Variants in SETD1A observed in about 807,000 individuals in gnomAD.
The protein encoded by SETD1A is histone-lysine N-methyltransferase SETD1A.
SETD1A carries 29 observed loss-of-function variants against 149.9 expected under a neutral mutation model. The ratio of observed to expected loss-of-function variants is 0.19; its 90% CI spans 0.14 to 0.26. The LOEUF (loss-of-function observed/expected upper bound fraction) is 0.26, where lower values mean the gene tolerates loss of function less well. SETD1A is among the 10% of genes least tolerant of loss of function. SETD1A has a pLI of 1.00. For missense variants in SETD1A, 2,109 were observed against 2,353.1 expected, an observed-to-expected ratio of 0.90 and a Z score of 2.15; for synonymous variants, 1,141 against 968.5, an observed-to-expected ratio of 1.18 and a Z score of -3.31.
intron 6 of SETD1A, 98 bp from the exon 7 acceptor site, chr16:30,964,514 G>A (rs1190531326): frequency 4.6e-6 from 7 of 1,530,920 alleles, no homozygotes; most frequent in Non-Finnish European, 5.3e-6. Flanking sequence ...CTCTTCTTTT[G>A]GAGGGCAGCA....
intron 5 of SETD1A, 105 bp downstream of exon 5, chr16:30,963,659 A>G: frequency 8.1e-7 from 1 of 1,238,720 alleles, no homozygotes; most frequent in Non-Finnish European, 1.1e-6. Flanking sequence ...CCGTTAAACA[A>G]AGAAGAGCCA....
Position 30,964,929 on chromosome 16 carries a change from C to T in SETD1A, c.1187C>T (p.Pro396Leu), listed in dbSNP as rs1284129443. The change falls in exon 7 of 19, where the codon CCT (proline) becomes CTT (leucine). Residue 396 changes from proline to leucine, a missense_variant. Physicochemically the swap from Pro to Leu is moderately conservative, Grantham distance 98. Coordinates refer to ENST00000262519, the MANE Select transcript of SETD1A (RefSeq NM_014712.3). Reference sequence around the variant, plus strand: ...ACACGGGAGGAACCCCCTGGAGCCCCTTTTGCTGAAAATACAGCTGAGCGC... The same window carrying T: ...ACACGGGAGGAACCCCCTGGAGCCCTTTTTGCTGAAAATACAGCTGAGCGC... Reference protein sequence around the residue: ...RATREEPPGAPFAENTAERFP... With the variant: ...RATREEPPGALFAENTAERFP... 6.2e-7 allele frequency: 1 copy of T among 1,614,098 alleles called. No individual in the cohort carries two copies.
Position 30,979,995 on chromosome 16 carries a change from T to TCCGCCCCCACCCCCGCCGCCA in SETD1A, c.4217_4237dup (p.Pro1406_Pro1412dup). 2.1e-6 allele frequency: 1 copy of TCCGCCCCCACCCCCGCCGCCA among 477,112 alleles called. No homozygotes were observed. Among genetic ancestry groups the TCCGCCCCCACCCCCGCCGCCA allele is most frequent in the Middle Eastern group, 6.8e-4 (1 of 1,468 alleles). The allele number at this position is 477,112 out of a possible 1,614,324, so 29.6% of individuals were successfully genotyped here. ...GCTCCCACGCCCGGCGCCGCCGCCCTCCGCCCCCACCCCCGCCGCCACCGC... is the reference window on the plus strand; with the variant it reads ...GCTCCCACGCCCGGCGCCGCCGCCCTCCGCCCCCACCCCCGCCGCCACCGCCCCCACCCCCGCCGCCACCGC... On this transcript the variant is annotated inframe_insertion, in exon 14 of 19. Coordinates refer to ENST00000262519, the MANE Select transcript of SETD1A (RefSeq NM_014712.3).
intron 13 of SETD1A, among the ~76,000 whole-genome samples, chr16:30,976,921 A>G (rs1453274639): frequency 6.6e-6 from 1 of 151,820 alleles, no homozygotes; most frequent in Non-Finnish European, 1.5e-5. Flanking sequence ...GCTCAGAGCA[A>G]GGGGTGCTTA....
In SETD1A at chr16:30,980,457, A is replaced by C; in HGVS notation, c.4409-28A>C. On this transcript the variant is annotated intron_variant, in intron 14 of 18. Coordinates refer to ENST00000262519, the MANE Select transcript of SETD1A (RefSeq NM_014712.3). This position sits in a 1 kb window ranked among gnomAD's most constrained non-coding sequence, Gnocchi z 7.7. Reference sequence around the variant, plus strand: ...GCTGGGACGCAGGTGGCCAGAGAGGAGCCGTTCTCTTCCTTAACACCCTGC... The same window carrying C: ...GCTGGGACGCAGGTGGCCAGAGAGGCGCCGTTCTCTTCCTTAACACCCTGC... The C allele has an allele frequency of 6.3e-7, 1 of 1,595,250 alleles. No homozygotes were observed. The highest frequency in any genetic ancestry group is 2.2e-5 in the East Asian group (1 of 44,644).
chr16:30,971,752 G>C (rs774769624), intron 13 of SETD1A, 33 bp downstream of exon 13: 2 of 1,520,632 alleles, frequency 1.3e-6, no homozygotes, highest in East Asian at 4.6e-5. Flanking sequence ...TTAGATCGCT[G>C]TGTGTGTGAG....
Position 30,964,352 on chromosome 16 carries a change from G to A in SETD1A, c.869+29G>A, listed in dbSNP as rs1366590988. 22 of 1,562,116 alleles carry A rather than the reference G, an allele frequency of 1.4e-5. 1 individual carries two copies. The East Asian group carries it at 2.5e-4, about 18-fold the overall frequency. On this transcript the variant is annotated intron_variant, in intron 6 of 18. Coordinates refer to ENST00000262519, the MANE Select transcript of SETD1A (RefSeq NM_014712.3). Reference sequence around the variant, plus strand: ...CAGAGCAGACCCCGCCTGGGGCCCCGCCCGCAAAGTCTGGGAGCTGCCACT... The same window carrying A: ...CAGAGCAGACCCCGCCTGGGGCCCCACCCGCAAAGTCTGGGAGCTGCCACT...
chr16:30,983,663 A>T lies in SETD1A; in HGVS notation c.4841A>T (p.Tyr1614Phe). The T allele has an allele frequency of 6.2e-7, 1 of 1,613,736 alleles. No homozygotes were observed. The highest frequency in any genetic ancestry group is 8.5e-7 in the Non-Finnish European group (1 of 1,179,952). ...QMVADMREKR[Y>F]VQEGIGSSYL... ...GTGGCCGACATGCGGGAGAAGCGCTACGTGCAGGAGGGCATTGGCAGCAGC... is the reference window on the plus strand; with the variant it reads ...GTGGCCGACATGCGGGAGAAGCGCTTCGTGCAGGAGGGCATTGGCAGCAGC... Residue 1614 changes from tyrosine (Y) to phenylalanine (F), a missense_variant, in exon 18 of 19, where the codon TAC becomes TTC. Coordinates refer to ENST00000262519, the MANE Select transcript of SETD1A (RefSeq NM_014712.3). This position sits in a 1 kb window ranked among gnomAD's most constrained non-coding sequence, Gnocchi z 6.8.
intron 1 of SETD1A, chr16:30,958,297 G>A (rs1348700460): frequency 6.2e-6 from 1 of 160,868 alleles, no homozygotes; most frequent in Non-Finnish European, 1.4e-5. Flanking sequence ...CCCCGAAGAG[G>A]TGCCACCTTT....
In SETD1A at chr16:30,961,649, C is replaced by T; in HGVS notation, c.517+112C>T. 2.1e-6 allele frequency: 2 copies of T among 939,726 alleles called. No individual in the cohort carries two copies. The highest frequency in any genetic ancestry group is 1.5e-5 in the South Asian group (1 of 66,134). 58.2% of individuals were successfully genotyped at this position (939,726 alleles called of 1,614,324 possible). On this transcript the variant is annotated intron_variant, in intron 4 of 18. Coordinates refer to ENST00000262519, the MANE Select transcript of SETD1A (RefSeq NM_014712.3). This position sits in a 1 kb window ranked among gnomAD's most constrained non-coding sequence, Gnocchi z 4.0. ...GGGTCATGATCTGAAACTGCTGGGG[C>T]CAGTTGTGTTTCTGAAATCAGATCA...
intron 6 of SETD1A, 104 bp from the exon 7 acceptor site, chr16:30,964,508 T>C: frequency 5.9e-6 from 9 of 1,527,616 alleles, no homozygotes; most frequent in Non-Finnish European, 7.0e-6. Context: ...ATATAGCTCT[T>C]CTTTTGGAGG....
At chr16:30,981,004 G>T (rs535218056) in intron 16 of SETD1A, 57 bp from the exon 17 acceptor site, 1 of 1,607,370 alleles carries the variant, frequency 6.2e-7, no homozygotes, top group Non-Finnish European at 8.5e-7. Flanking sequence ...TGTGGGAAGA[G>T]TGAGGGTCTG....
Position 30,965,818 on chromosome 16 carries a change from A to ACCCCCCCCCCCCCCCCCCCCCC in SETD1A, c.1943_1944insCCCCCCCCCCCCCCCCCCCCCC (p.His655ProfsTer11). The ACCCCCCCCCCCCCCCCCCCCCC allele has an allele frequency of 8.7e-7, 1 of 1,151,366 alleles. No individual in the cohort carries two copies. Among genetic ancestry groups the ACCCCCCCCCCCCCCCCCCCCCC allele is most frequent in the Non-Finnish European group, 1.2e-6 (1 of 823,018 alleles). The allele number at this position is 1,151,366 out of a possible 1,614,324, so 71.3% of individuals were successfully genotyped here. On this transcript the variant is annotated frameshift_variant, in exon 8 of 19. Coordinates refer to ENST00000262519, the MANE Select transcript of SETD1A (RefSeq NM_014712.3). LOFTEE classifies it high-confidence loss of function. ...CCTGATGGGCCGCCGCCCCCTGAGT[A>ACCCCCCCCCCCCCCCCCCCCCC]CCCCCCACCTCCTCCACCACCCCCG...
intron 1 of SETD1A, chr16:30,958,459 G>T (rs1314688965): frequency 4.5e-6 from 2 of 446,802 alleles, no homozygotes; most frequent in Non-Finnish European, 4.1e-6. Context: ...TGGGGCGCGC[G>T]CTAGGGAGAG....
At chr16:30,979,117 CT>C in intron 13 of SETD1A, 27 bp from the exon 14 acceptor site, 1 of 1,515,666 alleles carries the variant, frequency 6.6e-7, no homozygotes, top group Non-Finnish European at 8.8e-7. Context: ...CCCTGACCTC[CT>C]TTCCTTCCTA....
In SETD1A at chr16:30,963,475, C is replaced by T. The variant is rs1021517547; in HGVS notation, c.560C>T (p.Ser187Phe). ...MKYYELIVNG[S>F]YTPQTVPTGG... The stretch of plus-strand genomic sequence containing the variant: ...TACTATGAACTAATTGTCAATGGCT[C>T]CTACACCCCTCAGACTGTGCCCACT... The change falls in exon 5 of 19, where the codon TCC becomes TTC. Residue 187 changes from serine (S) to phenylalanine (F), a missense_variant. Around this residue, in one of 8 missense-constraint regions of SETD1A, gnomAD observed 62 missense variants for 149.5 expected, o/e 0.41. Transcript: ENST00000262519. 2 of 1,613,122 alleles carry T rather than the reference C, an allele frequency of 1.2e-6. No individual in the cohort carries two copies.
In SETD1A at chr16:30,979,460, T is replaced by C. The variant is rs1567362913; in HGVS notation, c.3674T>C (p.Val1225Ala). 1 of 1,601,676 alleles carries C rather than the reference T, an allele frequency of 6.2e-7. No individual in the cohort carries two copies. The highest frequency in any genetic ancestry group is 8.5e-7 in the Non-Finnish European group (1 of 1,174,424). Residue 1225 changes from valine (V) to alanine (A), a missense_variant, in exon 14 of 19, where the codon GTG (valine) becomes GCG (alanine). This residue lies in a region of SETD1A where 832 missense variants were observed against 815.6 expected (regional missense o/e 1.02). Coordinates refer to ENST00000262519, the MANE Select transcript of SETD1A (RefSeq NM_014712.3). ...ASLVKSWPEE[V>A]SRGGRSRAGG... The stretch of plus-strand genomic sequence containing the variant: ...CTGGTCAAGAGTTGGCCCGAGGAGG[T>C]GTCCCGAGGAGGCCGGAGCCGGGCT...
rs112861038 is a variant in SETD1A, at chr16:30,961,770, TA to T, written c.517+248del. ...CCATAATCAAGCACATAACTATCTG[TA>T]AAAAAAAAAAAAAATCATATGAAGG... On this transcript the variant is annotated intron_variant, in intron 4 of 18. Transcript: ENST00000262519. This position sits in a 1 kb window ranked among gnomAD's most constrained non-coding sequence, Gnocchi z 4.0. 4.5e-3 allele frequency among the ~76,000 whole-genome samples: 626 copies of T among 140,212 alleles called. 1 individual carries two copies. Among genetic ancestry groups the T allele is most frequent in the African/African-American group, 5.8e-3 (221 of 38,054 alleles). 92.0% of individuals were successfully genotyped at this position (140,212 alleles called of 152,430 possible). A position where few individuals can be genotyped will look rare whatever the true frequency, so the allele number is the denominator to read the frequency against.
intron 17 of SETD1A, among the ~76,000 whole-genome samples, chr16:30,982,361 C>T (rs534669191): frequency 1.6e-4 from 25 of 152,034 alleles, no homozygotes; most frequent in Non-Finnish European, 2.6e-4. Context: ...ATTAGCCAGG[C>T]GTGGTGGCAG....
Sources: gnomAD v4.1 joint callset for allele counts (sites outside exome capture counted in the v4.1 genomes callset) on GRCh38, gnomAD v4.1.1 for gene constraint, gnomAD v4.1.1 regional missense constraint, Gnocchi (gnomAD v3.1) non-coding constraint, MANE v1.5 for transcripts, NCBI Gene and HGNC (gene_info 2026-07-23, HGNC 2026-07-21) for gene names.